Variants in CDH10 observed in about 807,000 individuals in gnomAD.
CDH10 encodes cadherin 10, also known as cadherin-10.
In CDH10, 30 loss-of-function variants were observed where a neutral mutation model predicts 73.1. The ratio of observed to expected loss-of-function variants is 0.41; its 90% CI spans 0.31 to 0.56. The LOEUF is 0.56. Among genes scored for constraint, CDH10 ranks in the 20% least tolerant of loss-of-function variants. The pLI, the probability that CDH10 is intolerant of heterozygous loss-of-function variation, is 0.27. For missense variants in CDH10, 815 were observed against 973.7 expected (o/e 0.84, Z 2.17); for synonymous variants, 345 against 348.2 (o/e 0.99, Z 0.10).
intron 8 of CDH10, among the ~76,000 whole-genome samples, chr5:24,503,836 A>G (rs1045836310): frequency 6.6e-6 from 1 of 152,142 alleles, no homozygotes; most frequent in African/African-American, 2.4e-5. Flanking sequence ...TATATGATTA[A>G]ATGTGAACTC....
chr5:24,532,690 A>G (rs1263481511), intron 5 of CDH10, among the ~76,000 whole-genome samples: 1 of 152,168 alleles, frequency 6.6e-6, no homozygotes, highest in African/African-American at 2.4e-5. Context: ...TATTGATGAC[A>G]TATTTAAAGG....
intron 9 of CDH10, among the ~76,000 whole-genome samples, chr5:24,495,871 A>G (rs935267877): frequency 1.4e-5 from 2 of 141,130 alleles, no homozygotes; most frequent in East Asian, 2.3e-4. Flanking sequence ...AAAAAAAAAG[A>G]AAGAAAGAAA....
intron 3 of CDH10, among the ~76,000 whole-genome samples, chr5:24,536,815 G>GT (rs1251922394): frequency 2.0e-5 from 3 of 151,588 alleles, no homozygotes; most frequent in African/African-American, 4.8e-5. Context: ...TTTTCAACTG[G>GT]TTTTTTTCGA....
At chr5:24,539,659 C>A (rs1214835672) in intron 2 of CDH10, among the ~76,000 whole-genome samples, 1 of 151,984 alleles carries the variant, frequency 6.6e-6, no homozygotes, top group Non-Finnish European at 1.5e-5. Context: ...TAGTTTCTTA[C>A]TACATTTTTA....
At chr5:24,573,380 T>G (rs1488905887) in intron 2 of CDH10, among the ~76,000 whole-genome samples, 1 of 150,980 alleles carries the variant, frequency 6.6e-6, no homozygotes, top group Admixed American at 6.6e-5. Context: ...TTTCCAAGAG[T>G]ACCAGAATAA....
At chr5:24,507,577 C>A (rs10070642) in intron 7 of CDH10, among the ~76,000 whole-genome samples, 144,472 of 151,948 alleles carry the variant, frequency 0.95, 68,778 homozygotes, top group East Asian at 1. Flanking sequence ...TGGTATTACA[C>A]TTTAAGTATG....
At chr5:24,535,434 C>T (rs1289138204) in intron 4 of CDH10, among the ~76,000 whole-genome samples, 155 bp from the exon 5 acceptor site, 4 of 152,030 alleles carry the variant, frequency 2.6e-5, no homozygotes, top group Non-Finnish European at 5.9e-5. Flanking sequence ...AGTGATTCTG[C>T]GGAAATATCA....
chr5:24,520,518 A>G (rs6867906), intron 5 of CDH10, among the ~76,000 whole-genome samples: 73,053 of 151,488 alleles, frequency 0.48, 17,651 homozygotes, highest in East Asian at 0.58. Flanking sequence ...GTCCCTTTCT[A>G]TATTTATCAG....
At chr5:24,602,705 GTTTAT>G (rs1320097770) in intron 1 of CDH10, among the ~76,000 whole-genome samples, 2 of 152,090 alleles carry the variant, frequency 1.3e-5, no homozygotes, top group African/African-American at 2.4e-5. Flanking sequence ...TTCTTTTTGA[GTTTAT>G]TTTAACTTAC....
chr5:24,606,695 A>G (rs1746774755), intron 1 of CDH10, among the ~76,000 whole-genome samples: 1 of 152,172 alleles, frequency 6.6e-6, no homozygotes, highest in African/African-American at 2.4e-5. Context: ...TTTTACCTTC[A>G]TCGTATTTTT....
intron 9 of CDH10, among the ~76,000 whole-genome samples, chr5:24,496,675 T>A (rs1440192466): frequency 6.6e-6 from 1 of 152,148 alleles, no homozygotes; most frequent in African/African-American, 2.4e-5. Context: ...TGGACTGAGA[T>A]ATACCTTAAG....
intron 9 of CDH10, among the ~76,000 whole-genome samples, chr5:24,496,185 A>T (rs1742282586): frequency 6.6e-6 from 1 of 152,170 alleles, no homozygotes; most frequent in Non-Finnish European, 1.5e-5. Context: ...TTGATAAGTC[A>T]TTTAGATACT....
chr5:24,535,041 T>C (rs1743895300), intron 5 of CDH10, 71 bp downstream of exon 5: 4 of 1,368,944 alleles, frequency 2.9e-6, no homozygotes, highest in Non-Finnish European at 9.9e-7. Flanking sequence ...TTCTTTTCTT[T>C]TTCTTTCTTT....
At chr5:24,573,224 A>G (rs1209366777) in intron 2 of CDH10, among the ~76,000 whole-genome samples, 1 of 152,016 alleles carries the variant, frequency 6.6e-6, no homozygotes, top group Non-Finnish European at 1.5e-5. Flanking sequence ...AAATAAAGAC[A>G]TGATTGTAAA....
chr5:24,488,225 A>G (rs2111614777), intron 11 of CDH10, 72 bp from the exon 12 acceptor site: 11 of 1,276,878 alleles, frequency 8.6e-6, no homozygotes, highest in Non-Finnish European at 1.1e-5. Flanking sequence ...AAATACTATA[A>G]AAGAGTTTAA....
chr5:24,634,206 G>A (rs1228412346), intron 1 of CDH10, among the ~76,000 whole-genome samples: 1 of 151,746 alleles, frequency 6.6e-6, no homozygotes, highest in South Asian at 2.1e-4. Context: ...ACCATTTCTT[G>A]GGCTTTAAAA....
At chr5:24,597,452 G>A (rs1746410852) in intron 1 of CDH10, among the ~76,000 whole-genome samples, 1 of 152,074 alleles carries the variant, frequency 6.6e-6, no homozygotes, top group South Asian at 2.1e-4. Flanking sequence ...ACTACAATGA[G>A]GGGAATATAA....
At chr5:24,639,735 T>C (rs549986000) in intron 1 of CDH10, among the ~76,000 whole-genome samples, 7 of 151,958 alleles carry the variant, frequency 4.6e-5, no homozygotes, top group Admixed American at 1.3e-4. Flanking sequence ...TAATGAAACA[T>C]TGCTTTCTAG....
chr5:24,513,025 C>T (rs183770267), intron 5 of CDH10, among the ~76,000 whole-genome samples: 128 of 148,512 alleles, frequency 8.6e-4, no homozygotes, highest in African/African-American at 3.1e-3. Context: ...TTCTTTGTTT[C>T]TTTTCTTTTT....
Sources: gnomAD v4.1 joint callset for allele counts (sites outside exome capture counted in the v4.1 genomes callset) on GRCh38, gnomAD v4.1.1 for gene constraint, MANE v1.5 for transcripts, NCBI Gene and HGNC (gene_info 2026-07-23, HGNC 2026-07-21) for gene names.